The following NDUFS1 variants were observed in gnomAD, a reference collection of about 807,000 sequenced individuals.
The protein encoded by NDUFS1 is NADH-ubiquinone oxidoreductase 75 kDa subunit, mitochondrial.
A neutral mutation model predicts 84.4 loss-of-function variants in NDUFS1; 61 were observed. The observed-to-expected ratio is 0.72, with a 90% confidence interval of 0.59 to 0.89. The LOEUF is 0.89. Among genes scored for constraint, NDUFS1 ranks in the 40% least tolerant of loss-of-function variants. NDUFS1 has a pLI of 0.00. For missense variants in NDUFS1, 891 were observed against 890.0 expected, an observed-to-expected ratio of 1.00 and a Z score of -0.01; for synonymous variants, 275 against 290.0, an observed-to-expected ratio of 0.95 and a Z score of 0.53.
intron 11 of NDUFS1, among the ~76,000 whole-genome samples, chr2:206,142,321 TC>T (rs1691993464): frequency 6.6e-6 from 1 of 152,196 alleles, no homozygotes; most frequent in African/African-American, 2.4e-5. Context: ...CAAGCAATTC[TC>T]CTGCCTCAGC....
Position 206,122,835 on chromosome 2 carries a change from G to C in NDUFS1, c.*1350C>G, listed in dbSNP as rs1575936336. The C allele has an allele frequency of 6.6e-6, 1 of 152,246 alleles. No homozygotes were observed. The highest frequency in any genetic ancestry group is 2.4e-5 in the African/African-American group (1 of 41,528). The allele number at this position is 152,246 out of a possible 1,614,324, so 9.4% of individuals were successfully genotyped here. On this transcript the variant is annotated 3_prime_UTR_variant, in exon 19 of 19. Coordinates refer to ENST00000233190, the MANE Select transcript of NDUFS1 (RefSeq NM_005006.7). Reference sequence around the variant, plus strand: ...ACTGCAGCCTCAACCTCCTGGGTCAGGTGATCCTCCCACCTCAGCCTTCCG... The same window carrying C: ...ACTGCAGCCTCAACCTCCTGGGTCACGTGATCCTCCCACCTCAGCCTTCCG...
chr2:206,130,343 C>T, intron 14 of NDUFS1, 101 bp from the exon 15 acceptor site: 2 of 1,401,934 alleles, frequency 1.4e-6, no homozygotes, highest in Non-Finnish European at 9.8e-7. Context: ...TGTCAAAAAA[C>T]CCATTTTATT....
rs1325640860 is a variant in NDUFS1 at position 206,122,643 on chromosome 2, A to C, written c.*1542T>G. ...AGACTCCATCTCAAAAAAAAAAAAA[A>C]AACAAAGGGAAAAAGGGCATCCTAT... is the stretch of plus-strand genomic sequence containing the variant. On this transcript the variant is annotated 3_prime_UTR_variant, in exon 19 of 19. Coordinates refer to ENST00000233190, the MANE Select transcript of NDUFS1 (RefSeq NM_005006.7). The C allele has an allele frequency of 7.3e-5, 11 of 151,350 alleles. 1 individual carries two copies. Among genetic ancestry groups the C allele is most frequent in the Admixed American group, 5.3e-4 (8 of 15,142 alleles). The allele number at this position is 151,350 out of a possible 1,614,324, so 9.4% of individuals were successfully genotyped here.
At chr2:206,151,608 G>T (rs944043039) in intron 3 of NDUFS1, among the ~76,000 whole-genome samples, 6 of 152,170 alleles carry the variant, frequency 3.9e-5, no homozygotes, top group African/African-American at 1.4e-4. Context: ...ATTTAGATCT[G>T]TGACAACTTA....
chr2:206,144,129 A>G lies in NDUFS1; in HGVS notation c.876T>C (p.Phe292=), dbSNP rs761372572. The change falls in exon 10 of 19, where the codon TTT becomes TTC. Residue 292 remains phenylalanine (F), a synonymous_variant. Transcript: ENST00000233190. ...NEEWISDKTR[F]AYDGLKRQRL... The stretch of plus-strand genomic sequence containing the variant: ...TTTGACGTTTTAGCCCATCATAGGC[A>G]AATCTAGAAAACAGAAATTACACCA... 1 of 1,609,168 alleles carries G rather than the reference A, an allele frequency of 6.2e-7. No individual in the cohort carries two copies. Among genetic ancestry groups the G allele is most frequent in the Non-Finnish European group, 8.5e-7 (1 of 1,175,508 alleles).
At chr2:206,135,863 C>T (rs1052538738) in intron 13 of NDUFS1, among the ~76,000 whole-genome samples, 1 of 151,674 alleles carries the variant, frequency 6.6e-6, no homozygotes, top group African/African-American at 2.4e-5. Flanking sequence ...GCTACTTCAT[C>T]CTCTTGCACA....
rs1691099743 is a variant in NDUFS1 at position 206,121,686 on chromosome 2, C to T, written c.*2499G>A. ...CAGGCTGGTCTCAAACTCCTGACCT[C>T]AATGATCTGCCCGCCTCAGCCTGCC... On this transcript the variant is annotated 3_prime_UTR_variant, in exon 19 of 19. Transcript: ENST00000233190. 6.6e-6 allele frequency: 1 copy of T among 152,196 alleles called. No individual in the cohort carries two copies. 9.4% of individuals were successfully genotyped at this position (152,196 alleles called of 1,614,324 possible).
Position 206,142,765 on chromosome 2 carries a change from C to G in NDUFS1, c.1054G>C (p.Val352Leu). The G allele has an allele frequency of 6.2e-7, 1 of 1,614,146 alleles. No individual in the cohort carries two copies. The highest frequency in any genetic ancestry group is 1.3e-5 in the African/African-American group (1 of 75,034). The change falls in exon 11 of 19, where the codon GTA becomes CTA. Residue 352 changes from valine to leucine, a missense_variant. Transcript: ENST00000233190. ...CTATTAAGCAAATCTTTGAGAGCTA[C>G]CAGGGCTTCAGCATCCACCAAGCCA... ...AGGLVDAEAL[V>L]ALKDLLNRVD...
chr2:206,139,274 C>T (rs1179317338), intron 12 of NDUFS1, among the ~76,000 whole-genome samples: 1 of 152,058 alleles, frequency 6.6e-6, no homozygotes, highest in African/African-American at 2.4e-5. Context: ...CAAGCTCCAC[C>T]TCCCGGGTTC....
chr2:206,126,161 T>A (rs977108207), intron 18 of NDUFS1, among the ~76,000 whole-genome samples: 1 of 152,350 alleles, frequency 6.6e-6, no homozygotes, highest in Admixed American at 6.5e-5. Context: ...ACAATTTACA[T>A]CAGAAGCACT....
Position 206,144,022 on chromosome 2 carries a change from C to G in NDUFS1, c.983G>C (p.Gly328Ala), listed in dbSNP as rs947705460. Residue 328 changes from glycine (G) to alanine (A), a missense_variant, in exon 10 of 19, where the codon GGA becomes GCA. Physicochemically the swap from Gly to Ala is moderately conservative, Grantham distance 60 (BLOSUM62 0). Transcript: ENST00000233190. ...SWEDALSRVA[G>A]MLQSFQGKDV... Reference sequence around the variant, plus strand: ...ACTATTTATTTCAAATTTTACCATTCCAGCTACGCGAGAGAGCGCATCCTC... The same window carrying G: ...ACTATTTATTTCAAATTTTACCATTGCAGCTACGCGAGAGAGCGCATCCTC... The G allele has an allele frequency of 1.2e-6, 2 of 1,604,914 alleles. No homozygotes were observed. The highest frequency in any genetic ancestry group is 1.1e-5 in the South Asian group (1 of 90,920).
intron 16 of NDUFS1, among the ~76,000 whole-genome samples, chr2:206,127,175 A>T (rs1287577872): frequency 6.6e-6 from 1 of 152,262 alleles, no homozygotes; most frequent in Non-Finnish European, 1.5e-5. Flanking sequence ...TTACTTTTAC[A>T]TCAATAAAGA....
At chr2:206,142,355 G>GTCAT (rs1184130599) in intron 11 of NDUFS1, among the ~76,000 whole-genome samples, 1 of 152,152 alleles carries the variant, frequency 6.6e-6, no homozygotes, top group African/African-American at 2.4e-5. Context: ...TGGAATTACA[G>GTCAT]GCGCACACCA....
chr2:206,136,745 A>G (rs1691731831), intron 13 of NDUFS1, among the ~76,000 whole-genome samples: 1 of 137,164 alleles, frequency 7.3e-6, no homozygotes, highest in African/African-American at 2.7e-5. Context: ...GAAATTCCTT[A>G]GTTTCTTTCT....
At position 206,117,216 on chromosome 2, in the gene NDUFS1, G is replaced by C. The variant is rs1401343525; in HGVS notation, c.*6969C>G. 6.6e-6 allele frequency: 1 copy of C among 152,284 alleles called. No individual in the cohort carries two copies. The highest frequency in any genetic ancestry group is 1.5e-5 in the Non-Finnish European group (1 of 68,042). The allele number at this position is 152,284 out of a possible 1,614,324, so 9.4% of individuals were successfully genotyped here. On this transcript the variant is annotated 3_prime_UTR_variant, in exon 19 of 19. Coordinates refer to ENST00000233190, the MANE Select transcript of NDUFS1 (RefSeq NM_005006.7). ...AGTCAATCAATCAACCCATCACCCAGTCTGTGATATTCTGTTTTAACAGCA... is the reference window on the plus strand; with the variant it reads ...AGTCAATCAATCAACCCATCACCCACTCTGTGATATTCTGTTTTAACAGCA...
Position 206,126,824 on chromosome 2 carries a change from T to C in NDUFS1, c.1905A>G (p.Pro635=). The C allele has an allele frequency of 1.2e-6, 2 of 1,614,166 alleles. No individual in the cohort carries two copies. Among genetic ancestry groups the C allele is most frequent in the Non-Finnish European group, 1.7e-6 (2 of 1,180,030 alleles). The change falls in exon 17 of 19, where the codon CCA becomes CCG. Residue 635 remains proline, a synonymous_variant. Coordinates refer to ENST00000233190, the MANE Select transcript of NDUFS1 (RefSeq NM_005006.7). The part of the protein sequence containing the change: ...ALSEIAGMTL[P]YDTLDQVRNR... ...TCCTTACTTGATCCAGAGTATCATA[T>C]GGAAGAGTCATTCCAGCAATCTACA...
At position 206,126,307 on chromosome 2, in the gene NDUFS1, T is replaced by C. The variant is rs374611451; in HGVS notation, c.2092+232A>G. Reference sequence around the variant, plus strand: ...CTTTCCTTACAACAGCAAAATTTTATATTTAAAATCTATTAATTGCTTGGA... The same window carrying C: ...CTTTCCTTACAACAGCAAAATTTTACATTTAAAATCTATTAATTGCTTGGA... On this transcript the variant is annotated intron_variant, in intron 18 of 18. Coordinates refer to ENST00000233190, the MANE Select transcript of NDUFS1 (RefSeq NM_005006.7). Among the ~76,000 whole-genome samples, 26 of 152,374 alleles carry C rather than the reference T, an allele frequency of 1.7e-4. No homozygotes were observed. The South Asian group carries it at 5.4e-3, about 32-fold the overall frequency.
rs2105931844 is a variant in NDUFS1 at position 206,115,620 on chromosome 2, C to T, written c.*8565G>A. 3.7e-6 allele frequency: 1 copy of T among 269,346 alleles called. No homozygotes were observed. The highest frequency in any genetic ancestry group is 7.2e-6 in the Non-Finnish European group (1 of 139,812). The allele number at this position is 269,346 out of a possible 1,614,324, so 16.7% of individuals were successfully genotyped here. A position where few individuals can be genotyped will look rare whatever the true frequency, so the allele number is the denominator to read the frequency against. On this transcript the variant is annotated 3_prime_UTR_variant, in exon 19 of 19. Transcript: ENST00000233190. ...CAGCTGTTGCTTCACTATATAAAAA[C>T]AGCACCAGCAAATGCAGTGTATTGC...
rs1202670453 is a variant in NDUFS1, at chr2:206,117,173, GAC to G, written c.*7010_*7011del. On this transcript the variant is annotated 3_prime_UTR_variant, in exon 19 of 19. Coordinates refer to ENST00000233190, the MANE Select transcript of NDUFS1 (RefSeq NM_005006.7). ...CATGCCACTGAACCCCAGCCTGGGT[GAC>G]AGAGTTGCCTCAATCAGTCAATCAA... The G allele has an allele frequency of 6.6e-6, 1 of 152,274 alleles. No homozygotes were observed. Among genetic ancestry groups the G allele is most frequent in the Non-Finnish European group, 1.5e-5 (1 of 68,098 alleles). The allele number at this position is 152,274 out of a possible 1,614,324, so 9.4% of individuals were successfully genotyped here.
Sources: allele counts gnomAD v4.1 joint callset (sites outside exome capture counted in the v4.1 genomes callset), GRCh38; gene constraint gnomAD v4.1.1; transcripts MANE v1.5; gene names NCBI Gene and HGNC (gene_info 2026-07-23, HGNC 2026-07-21).